The following RAB40A variants were observed in gnomAD, a reference collection of about 807,000 sequenced individuals.
The protein encoded by RAB40A is RAB40A, member RAS oncogene family, also known as ras-related protein Rab-40A.
For missense variants in RAB40A, 145 were observed against 230.2 expected, an observed-to-expected ratio of 0.63 and a Z score of 2.40; for synonymous variants, 65 against 99.9, an observed-to-expected ratio of 0.65 and a Z score of 2.08.
intron 2 of RAB40A, among the ~76,000 whole-genome samples, chrX:103,516,490 T>A (rs1466052001): frequency 4.5e-5 from 5 of 111,392 alleles, no homozygotes; most frequent in African/African-American, 1.6e-4. Flanking sequence ...GATATTGTAT[T>A]TTCACATCTC....
chrX:103,509,874 C>T (rs866117848), intron 2 of RAB40A, among the ~76,000 whole-genome samples: 1 of 107,736 alleles, frequency 9.3e-6, no homozygotes, highest in African/African-American at 3.4e-5. Context: ...GGGGCAATCT[C>T]GGCTCACTGC....
rs762718551 is a variant in RAB40A, at chrX:103,501,813, A to G, written c.-70-987T>C. 3.3e-5 allele frequency: 4 copies of G among 122,468 alleles called. No homozygotes were observed. The South Asian group carries it at 1.5e-3, about 45-fold the overall frequency. The allele number at this position is 122,468 out of a possible 1,213,427, so 10.1% of individuals were successfully genotyped here. On this transcript the variant is annotated intron_variant, in intron 2 of 2. Coordinates refer to ENST00000304236, the MANE Select transcript of RAB40A (RefSeq NM_080879.3). ...TTTAAATGTAGAAAAAAACCGAAAA[A>G]GAATTTTTTTTTAATTTGCAAAAGA... is the stretch of plus-strand genomic sequence containing the variant.
Position 103,500,706 on chromosome X carries a change from G to A in RAB40A, c.51C>T (p.Phe17=), listed in dbSNP as rs370604023. Residue 17 remains phenylalanine, a synonymous_variant, in exon 3 of 3, where the codon TTC becomes TTT. Transcript: ENST00000304236. ...PDQAYDFLLK[F]LLVGDRDVGK... is the part of the protein sequence containing the mutation. ...CTACGTCCCTGTCGCCCACCAGCAG[G>A]AACTTGAGCAGGAAGTCATAGGCCT... The A allele has an allele frequency of 2.5e-6, 3 of 1,209,366 alleles. No individual in the cohort carries two copies. The highest frequency in any genetic ancestry group is 1.8e-5 in the African/African-American group (1 of 56,904).
Position 103,500,038 on chromosome X carries a change from G to C in RAB40A, c.719C>G (p.Ser240Cys). Residue 240 changes from serine to cysteine, a missense_variant, in exon 3 of 3, where the codon TCC (serine) becomes TGC (cysteine). Ser to Cys is a moderately radical substitution (Grantham distance 112). Transcript: ENST00000304236. ...AGTGGAGCTGGTGGTGAGGGAGTAG[G>C]AGAGGCCTCGCATCATCCTGGCATT... ...GLNARMMRGL[S>C]YSLTTSSTHK... is the part of the protein sequence containing the mutation. 8.3e-7 allele frequency: 1 copy of C among 1,211,746 alleles called. No individual in the cohort carries two copies. Among genetic ancestry groups the C allele is most frequent in the Non-Finnish European group, 1.1e-6 (1 of 895,305 alleles).
At chrX:103,513,986 AT>A (rs1378795894) in intron 2 of RAB40A, among the ~76,000 whole-genome samples, 1 of 110,882 alleles carries the variant, frequency 9.0e-6, no homozygotes, top group South Asian at 3.8e-4. Flanking sequence ...AACACATCAC[AT>A]TTTTTTTAAA....
chrX:103,510,423 G>A (rs1436061634), intron 2 of RAB40A, among the ~76,000 whole-genome samples: 5 of 111,887 alleles, frequency 4.5e-5, no homozygotes, highest in African/African-American at 1.6e-4. Flanking sequence ...CTATCTTTAT[G>A]GGCCATTAGT....
downstream of RAB40A, among the ~76,000 whole-genome samples, chrX:103,497,033 T>G (rs1480353433): frequency 1.8e-5 from 2 of 110,469 alleles, no homozygotes; most frequent in Non-Finnish European, 3.8e-5. Flanking sequence ...TGGAGGGAGG[T>G]GCAAAGGGAT....
chrX:103,501,431 T>C (rs1471957413), intron 2 of RAB40A: 3 of 123,740 alleles, frequency 2.4e-5, no homozygotes, highest in Non-Finnish European at 5.6e-5. Flanking sequence ...CCACGCATGT[T>C]TACATGGGCA....
intron 2 of RAB40A, among the ~76,000 whole-genome samples, chrX:103,514,684 T>C (rs1030270302): frequency 3.6e-5 from 4 of 111,996 alleles, no homozygotes; most frequent in Admixed American, 2.8e-4. Context: ...GTACATATAA[T>C]GGTTTATTTC....
chrX:103,509,301 CTCTCTCTCTCTCTCTCTCTG>C (rs1250077922), intron 2 of RAB40A, among the ~76,000 whole-genome samples: 1,075 of 87,934 alleles, frequency 0.012, 23 homozygotes, highest in African/African-American at 0.094. Flanking sequence ...CTCTCTCTCT[CTCTCTCTCTCTCTCTCTCTG>C]TCTCTCTGTC....
chrX:103,500,037 G>A lies in RAB40A; in HGVS notation c.720C>T (p.Ser240=), dbSNP rs751073761. ...GLNARMMRGL[S]YSLTTSSTHK... is the part of the protein sequence containing the mutation. Reference sequence around the variant, plus strand: ...GAGTGGAGCTGGTGGTGAGGGAGTAGGAGAGGCCTCGCATCATCCTGGCAT... The same window carrying A: ...GAGTGGAGCTGGTGGTGAGGGAGTAAGAGAGGCCTCGCATCATCCTGGCAT... The change falls in exon 3 of 3, where the codon TCC becomes TCT. Residue 240 remains serine (S), a synonymous_variant. Coordinates refer to ENST00000304236, the MANE Select transcript of RAB40A (RefSeq NM_080879.3). The A allele has an allele frequency of 8.3e-7, 1 of 1,210,363 alleles. No homozygotes were observed. The highest frequency in any genetic ancestry group is 3.0e-5 in the East Asian group (1 of 33,759).
chrX:103,495,127 ACTT>A (rs764029850), downstream of RAB40A, among the ~76,000 whole-genome samples: 1 of 111,097 alleles, frequency 9.0e-6, no homozygotes, highest in Non-Finnish European at 1.9e-5. Flanking sequence ...GAGGCCTTTC[ACTT>A]CTTTGGTTAA....
chrX:103,494,829 A>G (rs769149924), downstream of RAB40A, among the ~76,000 whole-genome samples: 1 of 111,517 alleles, frequency 9.0e-6, no homozygotes, highest in East Asian at 2.8e-4. Context: ...GCTCTGTAGT[A>G]TAATTTGAAG....
In RAB40A at chrX:103,500,760, G is replaced by A; in HGVS notation, c.-4C>T. ...CGGGGCTGCCCGGGGCGCTCATGGT[G>A]CTGGCCCCGCACTCCCGCCTGAGCC... On this transcript the variant is annotated 5_prime_UTR_variant, in exon 3 of 3. Coordinates refer to ENST00000304236, the MANE Select transcript of RAB40A (RefSeq NM_080879.3). 1 of 1,207,157 alleles carries A rather than the reference G, an allele frequency of 8.3e-7. No individual in the cohort carries two copies. Among genetic ancestry groups the A allele is most frequent in the Non-Finnish European group, 1.1e-6 (1 of 893,066 alleles).
downstream of RAB40A, among the ~76,000 whole-genome samples, chrX:103,496,578 C>A (rs2073173496): frequency 8.9e-6 from 1 of 112,602 alleles, no homozygotes; most frequent in Admixed American, 9.4e-5. Flanking sequence ...GATTACATTG[C>A]ATACTTAGTA....
chrX:103,500,688 C>A lies in RAB40A; in HGVS notation c.69G>T (p.Arg23Ser), dbSNP rs767094102. ...CCAGGATCTCACTCTTGCCTACGTC[C>A]CTGTCGCCCACCAGCAGGAACTTGA... The part of the protein sequence containing the change: ...FLLKFLLVGD[R>S]DVGKSEILES... The change falls in exon 3 of 3, where the codon AGG (arginine) becomes AGT (serine). Residue 23 changes from arginine to serine, a missense_variant. By Grantham distance (110) the Arg-to-Ser change is moderately radical. Transcript: ENST00000304236. 8.3e-7 allele frequency: 1 copy of A among 1,211,146 alleles called. No individual in the cohort carries two copies. Among genetic ancestry groups the A allele is most frequent in the African/African-American group, 1.7e-5 (1 of 57,546 alleles).
rs147207808 is a variant in RAB40A at position 103,500,622 on chromosome X, A to G, written c.135T>C (p.His45=). The G allele has an allele frequency of 6.2e-4, 752 of 1,208,332 alleles. No individual in the cohort carries two copies. Among genetic ancestry groups the G allele is most frequent in the Non-Finnish European group, 8.1e-4 (723 of 894,622 alleles). Residue 45 remains histidine (H), a synonymous_variant, in exon 3 of 3, where the codon CAT becomes CAC. Coordinates refer to ENST00000304236, the MANE Select transcript of RAB40A (RefSeq NM_080879.3). ...TCGTCTTGTAGTCGATCCCCCCGAGATGGCTGTACGGGGACTCAGCTGCAC... is the reference window on the plus strand; with the variant it reads ...TCGTCTTGTAGTCGATCCCCCCGAGGTGGCTGTACGGGGACTCAGCTGCAC... The part of the protein sequence containing the change: ...QDGAAESPYS[H]LGGIDYKTTT...
At chrX:103,509,078 G>A (rs1358591311) in intron 2 of RAB40A, among the ~76,000 whole-genome samples, 5 of 111,487 alleles carry the variant, frequency 4.5e-5, no homozygotes, top group Non-Finnish European at 7.5e-5. Flanking sequence ...AATATGTATT[G>A]AGCTCGAAAA....
intron 2 of RAB40A, among the ~76,000 whole-genome samples, chrX:103,517,000 C>A (rs2073320213): frequency 9.0e-6 from 1 of 111,421 alleles, no homozygotes; most frequent in African/African-American, 3.3e-5. Flanking sequence ...GCCATACTTG[C>A]AGCATCTTAA....
Sources: allele counts gnomAD v4.1 joint callset (sites outside exome capture counted in the v4.1 genomes callset), GRCh38; gene constraint gnomAD v4.1.1; transcripts MANE v1.5; gene names NCBI Gene and HGNC (gene_info 2026-07-23, HGNC 2026-07-21).